Variants in MEF2A observed in about 807,000 individuals in gnomAD.
MEF2A encodes myocyte enhancer factor 2A.
A neutral mutation model predicts 55.8 loss-of-function variants in MEF2A; 28 were observed. The observed-to-expected ratio is 0.50, with a 90% CI of 0.37 to 0.69. MEF2A has a LOEUF of 0.69. MEF2A is among the 30% of genes least tolerant of loss of function. The pLI is 0.00. For missense variants in MEF2A, 528 were observed against 626.2 expected, an observed-to-expected ratio of 0.84 and a Z score of 1.67; for synonymous variants, 239 against 227.1, an observed-to-expected ratio of 1.05 and a Z score of -0.47.
intron 1 of MEF2A, among the ~76,000 whole-genome samples, chr15:99,587,605 T>G (rs1280892993): frequency 6.6e-6 from 1 of 152,212 alleles, no homozygotes; most frequent in Non-Finnish European, 1.5e-5. Context: ...TTGTATGCCT[T>G]CCTTAATTTC....
intron 4 of MEF2A, among the ~76,000 whole-genome samples, chr15:99,665,753 AAAG>A (rs1417117451): frequency 1.2e-4 from 18 of 149,630 alleles, no homozygotes; most frequent in South Asian, 4.2e-4. Flanking sequence ...AAAAAAAAAA[AAAG>A]CCATCAAAAA....
At chr15:99,695,639 C>G (rs1449647315) in intron 8 of MEF2A, among the ~76,000 whole-genome samples, 2 of 151,316 alleles carry the variant, frequency 1.3e-5, no homozygotes, top group Non-Finnish European at 2.9e-5. Flanking sequence ...ACAGGCAGAT[C>G]ACCTGAGGTC....
At chr15:99,569,490 G>C (rs577346463) in intron 1 of MEF2A, among the ~76,000 whole-genome samples, 1 of 152,136 alleles carries the variant, frequency 6.6e-6, no homozygotes, top group African/African-American at 2.4e-5. Context: ...TACATAAAAC[G>C]CTTAATTGGC....
chr15:99,644,993 AT>A (rs1255403237), intron 3 of MEF2A, among the ~76,000 whole-genome samples: 4 of 152,066 alleles, frequency 2.6e-5, no homozygotes, highest in Non-Finnish European at 4.4e-5. Flanking sequence ...AAATAAAAAA[AT>A]TTTTTGGGGG....
intron 7 of MEF2A, among the ~76,000 whole-genome samples, chr15:99,676,595 G>A (rs184370322): frequency 5.3e-5 from 8 of 150,920 alleles, no homozygotes; most frequent in Admixed American, 2.6e-4. Flanking sequence ...TTTTTGAGAC[G>A]GAGTCTCGCT....
chr15:99,643,623 G>C lies in MEF2A; in HGVS notation c.55-1938G>C, dbSNP rs1451772917. On this transcript the variant is annotated intron_variant, in intron 3 of 11. Coordinates refer to ENST00000557942, the MANE Select transcript of MEF2A (RefSeq NM_001319206.4). ...TTTTTTTTTTTTGAGATGGAGTCTCGCTCTGTCGCCCAGGCTGGAGTGCAG... is the reference window on the plus strand; with the variant it reads ...TTTTTTTTTTTTGAGATGGAGTCTCCCTCTGTCGCCCAGGCTGGAGTGCAG... Among the ~76,000 whole-genome samples, 4 of 144,948 alleles carry C rather than the reference G, an allele frequency of 2.8e-5. No homozygotes were observed. In the East Asian group the frequency reaches 8.1e-4, roughly 29 times the overall value.
At chr15:99,643,947 A>T (rs2045495283) in intron 3 of MEF2A, among the ~76,000 whole-genome samples, 1 of 152,156 alleles carries the variant, frequency 6.6e-6, no homozygotes, top group South Asian at 2.1e-4. Context: ...ATAAAAGGTG[A>T]TTTGGGTATA....
In MEF2A at chr15:99,566,448, G is replaced by A. The variant is rs1314764053; in HGVS notation, c.-225+344G>A. On this transcript the variant is annotated intron_variant, in intron 1 of 11. Coordinates refer to ENST00000557942, the MANE Select transcript of MEF2A (RefSeq NM_001319206.4). ...GCCCTGAGGGCGGGCCGGTGGGGCT[G>A]GATGGGGCTCGGCTGGGCGGGCCGA... is the stretch of plus-strand genomic sequence containing the variant. 4.0e-5 allele frequency: 6 copies of A among 150,330 alleles called. No homozygotes were observed. The East Asian group carries it at 1.0e-3, about 25-fold the overall frequency. The allele number at this position is 150,330 out of a possible 1,614,324, so 9.3% of individuals were successfully genotyped here. A position where few individuals can be genotyped will look rare whatever the true frequency, so the allele number is the denominator to read the frequency against.
intron 7 of MEF2A, among the ~76,000 whole-genome samples, chr15:99,677,315 A>G (rs913477327): frequency 2.6e-5 from 4 of 152,116 alleles, no homozygotes; most frequent in Admixed American, 2.6e-4. Flanking sequence ...TTTGACTTTA[A>G]TATAACAGTG....
At chr15:99,613,550 C>CT (rs987915310) in intron 2 of MEF2A, among the ~76,000 whole-genome samples, 1 of 152,038 alleles carries the variant, frequency 6.6e-6, no homozygotes, top group African/African-American at 2.4e-5. Context: ...ATTTATTTCT[C>CT]TTTTTTTAAA....
chr15:99,592,518 C>T (rs542386333), intron 1 of MEF2A, among the ~76,000 whole-genome samples: 4 of 152,234 alleles, frequency 2.6e-5, no homozygotes, highest in Non-Finnish European at 5.9e-5. Context: ...AAGGGAATAA[C>T]TTAGACTGGA....
chr15:99,588,829 A>G (rs1268706993), intron 1 of MEF2A, among the ~76,000 whole-genome samples: 1 of 151,988 alleles, frequency 6.6e-6, no homozygotes, highest in Admixed American at 6.6e-5. Context: ...ATTGGAATTA[A>G]TCACATGGGT....
intron 1 of MEF2A, among the ~76,000 whole-genome samples, chr15:99,570,373 A>G (rs1430242446): frequency 6.6e-6 from 1 of 152,224 alleles, no homozygotes; most frequent in African/African-American, 2.4e-5. Context: ...AACAAAATAA[A>G]CAAGAAAACA....
chr15:99,600,769 A>G (rs968931679), intron 2 of MEF2A, among the ~76,000 whole-genome samples: 3 of 152,192 alleles, frequency 2.0e-5, no homozygotes, highest in African/African-American at 7.2e-5. Flanking sequence ...TCCTTATGAC[A>G]GTGCTTCACT....
chr15:99,657,283 A>T (rs893860487), intron 4 of MEF2A: 1 of 151,394 alleles, frequency 6.6e-6, no homozygotes, highest in Non-Finnish European at 1.5e-5. Context: ...CTTTTTGAGG[A>T]ACTGCCAAAC....
intron 10 of MEF2A, among the ~76,000 whole-genome samples, chr15:99,709,213 T>C (rs1044906410): frequency 6.6e-6 from 1 of 152,090 alleles, no homozygotes; most frequent in Non-Finnish European, 1.5e-5. Flanking sequence ...ATAGAATTGC[T>C]CAGACCTGGA....
chr15:99,608,372 C>G (rs1454332219), intron 2 of MEF2A, among the ~76,000 whole-genome samples: 1 of 152,176 alleles, frequency 6.6e-6, no homozygotes, highest in African/African-American at 2.4e-5. Context: ...CCTTAAGCTT[C>G]TTTTATTTTT....
chr15:99,585,351 A>G (rs12442313), intron 1 of MEF2A, among the ~76,000 whole-genome samples: 51,265 of 152,046 alleles, frequency 0.34, 10,547 homozygotes, highest in Middle Eastern at 0.48. Flanking sequence ...GTGAGTGTGT[A>G]TAATCACTTT....
At chr15:99,676,405 T>C (rs2052046102) in intron 7 of MEF2A, among the ~76,000 whole-genome samples, 1 of 151,946 alleles carries the variant, frequency 6.6e-6, no homozygotes, top group South Asian at 2.1e-4. Flanking sequence ...TTTTTTTTTT[T>C]ATTCCCCCAA....
Sources: allele counts gnomAD v4.1 joint callset (sites outside exome capture counted in the v4.1 genomes callset), GRCh38; gene constraint gnomAD v4.1.1; transcripts MANE v1.5; gene names NCBI Gene and HGNC (gene_info 2026-07-23, HGNC 2026-07-21).